The following PTPRD variants were observed in gnomAD, a reference collection of about 807,000 sequenced individuals.
PTPRD encodes the protein receptor-type tyrosine-protein phosphatase delta.
Under a neutral mutation model 214.5 loss-of-function variants are expected in PTPRD, and 34 were observed. The observed-to-expected ratio is 0.16, with a 90% CI of 0.12 to 0.21. The LOEUF (loss-of-function observed/expected upper bound fraction) is 0.21, where lower values mean the gene tolerates loss of function less well. PTPRD is among the 10% of genes least tolerant of loss of function. PTPRD has a pLI of 1.00. For missense variants in PTPRD, 2,545 were observed against 2,398.7 expected, an observed-to-expected ratio of 1.06 and a Z score of -1.27; for synonymous variants, 1,128 against 845.7, an observed-to-expected ratio of 1.33 and a Z score of -5.79.
intron 17 of PTPRD, 181 bp from the exon 18 acceptor site, chr9:8,525,216 TA>T (rs749256622): frequency 4.6e-5 from 33 of 722,182 alleles, no homozygotes; most frequent in Admixed American, 1.4e-4. Context: ...ATATAGAGAT[TA>T]TTTTTTTTTT....
At chr9:9,058,319 T>A (rs12376049) in intron 10 of PTPRD, among the ~76,000 whole-genome samples, 20,293 of 152,016 alleles carry the variant, frequency 0.13, 1,601 homozygotes, top group African/African-American at 0.22. Flanking sequence ...GCAGTGATAA[T>A]CTGTTTTGCT....
chr9:9,360,611 G>A (rs1596354681), intron 9 of PTPRD, among the ~76,000 whole-genome samples: 1 of 150,964 alleles, frequency 6.6e-6, no homozygotes, highest in Admixed American at 6.6e-5. Flanking sequence ...TAAGTATAAA[G>A]AAATAAAGTT....
chr9:8,391,045 T>C (rs996816679), intron 36 of PTPRD, among the ~76,000 whole-genome samples: 2 of 150,866 alleles, frequency 1.3e-5, no homozygotes, highest in South Asian at 2.1e-4. Flanking sequence ...AAGCACTTTA[T>C]AGGAATGTCA....
intron 43 of PTPRD, among the ~76,000 whole-genome samples, chr9:8,336,788 A>G (rs59095608): frequency 0.014 from 2,073 of 152,238 alleles, 35 homozygotes; most frequent in African/African-American, 0.046. Context: ...AAAAGTGGGC[A>G]AAGGATATGA....
intron 11 of PTPRD, among the ~76,000 whole-genome samples, chr9:8,920,120 T>C (rs67333855): frequency 5.9e-5 from 9 of 151,864 alleles, no homozygotes; most frequent in Non-Finnish European, 1.2e-4. Flanking sequence ...GTGGTCAGAT[T>C]GCCTGAGCTG....
At position 9,042,614 on chromosome 9, in the gene PTPRD, C is replaced by CTTTTTT. The variant is rs775574124; in HGVS notation, c.-142-23880_-142-23879insAAAAAA. Among the ~76,000 whole-genome samples the CTTTTTT allele has an allele frequency of 1.3e-4, 15 of 112,430 alleles. 1 individual carries two copies. Among genetic ancestry groups the CTTTTTT allele is most frequent in the Non-Finnish European group, 2.2e-4 (12 of 55,020 alleles). 73.8% of individuals were successfully genotyped at this position (112,430 alleles called of 152,430 possible). A position where few individuals can be genotyped will look rare whatever the true frequency, so the allele number is the denominator to read the frequency against. On this transcript the variant is annotated intron_variant, in intron 10 of 45. Coordinates refer to ENST00000381196, the MANE Select transcript of PTPRD (RefSeq NM_002839.4). ...CCACTTAGCATTTTTTCTTTTTTTT[C>CTTTTTT]TTTTCTTTTTTTTTTTTTTTGGTCT...
chr9:9,973,080 A>G (rs2154051666), intron 4 of PTPRD, among the ~76,000 whole-genome samples: 1 of 152,212 alleles, frequency 6.6e-6, no homozygotes, highest in South Asian at 2.1e-4. Context: ...ATAAGTCTAG[A>G]ATTTAGTTAC....
chr9:8,962,987 G>C (rs2099166961), intron 11 of PTPRD: 1 of 152,018 alleles, frequency 6.6e-6, no homozygotes, highest in East Asian at 1.9e-4. Flanking sequence ...GTTTGTAATA[G>C]CCTTGAGCTA....
At chr9:9,061,854 C>T (rs993727930) in intron 10 of PTPRD, among the ~76,000 whole-genome samples, 6 of 151,950 alleles carry the variant, frequency 3.9e-5, no homozygotes, top group Non-Finnish European at 2.9e-5. Flanking sequence ...CAGGGTTGCT[C>T]CCAGTTGTCA....
At chr9:8,346,011 G>C (rs1249422172) in intron 39 of PTPRD, among the ~76,000 whole-genome samples, 2 of 151,730 alleles carry the variant, frequency 1.3e-5, no homozygotes, top group African/African-American at 4.8e-5. Flanking sequence ...AGCACAAGTG[G>C]AGATCTATAT....
At chr9:10,584,154 T>A (rs1432443833) in intron 2 of PTPRD, among the ~76,000 whole-genome samples, 1 of 149,776 alleles carries the variant, frequency 6.7e-6, no homozygotes, top group Non-Finnish European at 1.5e-5. Flanking sequence ...ATATCACAAG[T>A]GCTCTAGCAT....
intron 3 of PTPRD, among the ~76,000 whole-genome samples, chr9:10,129,989 G>A (rs2098847315): frequency 6.6e-6 from 1 of 151,714 alleles, no homozygotes; most frequent in East Asian, 1.9e-4. Flanking sequence ...GTAGTCACTT[G>A]CAAATAATAT....
intron 8 of PTPRD, among the ~76,000 whole-genome samples, chr9:9,424,146 G>C (rs1230448147): frequency 6.6e-6 from 1 of 152,194 alleles, no homozygotes; most frequent in Non-Finnish European, 1.5e-5. Context: ...CACTTGAAGG[G>C]ACATCCTAGC....
intron 21 of PTPRD, among the ~76,000 whole-genome samples, chr9:8,516,838 C>T (rs2097789633): frequency 8.2e-6 from 1 of 121,742 alleles, no homozygotes; most frequent in Non-Finnish European, 1.6e-5. Flanking sequence ...TGGAGTCTTG[C>T]TGTCACCCAG....
At chr9:8,659,987 G>C (rs1326149890) in intron 12 of PTPRD, among the ~76,000 whole-genome samples, 5 of 152,158 alleles carry the variant, frequency 3.3e-5, no homozygotes, top group African/African-American at 9.7e-5. Context: ...ATAAGAAAAA[G>C]AATTGTTCAA....
Position 8,317,741 on chromosome 9 carries a change from G to GT in PTPRD, c.*132dup, listed in dbSNP as rs1822934692. 2 of 673,664 alleles carry GT rather than the reference G, an allele frequency of 3.0e-6. No individual in the cohort carries two copies. The highest frequency in any genetic ancestry group is 4.3e-5 in the South Asian group (2 of 46,434). The allele number at this position is 673,664 out of a possible 1,614,324, so 41.7% of individuals were successfully genotyped here. A position where few individuals can be genotyped will look rare whatever the true frequency, so the allele number is the denominator to read the frequency against. On this transcript the variant is annotated 3_prime_UTR_variant, in exon 46 of 46. Coordinates refer to ENST00000381196, the MANE Select transcript of PTPRD (RefSeq NM_002839.4). ...GAATAATTTGTTTTTAATTTGTTTT[G>GT]TGTGTAATAGTCCCACTAAGTAGTT... is the stretch of plus-strand genomic sequence containing the variant.
intron 7 of PTPRD, among the ~76,000 whole-genome samples, chr9:9,600,308 A>G (rs2093654140): frequency 6.6e-6 from 1 of 152,132 alleles, no homozygotes; most frequent in East Asian, 1.9e-4. Context: ...TGTACACACC[A>G]GTATGTTTCT....
intron 12 of PTPRD, among the ~76,000 whole-genome samples, chr9:8,731,513 C>G (rs1484801784): frequency 1.3e-5 from 2 of 152,144 alleles, no homozygotes; most frequent in South Asian, 2.1e-4. Flanking sequence ...GTGAATAAAT[C>G]AAATTTTTCT....
intron 2 of PTPRD, among the ~76,000 whole-genome samples, chr9:10,378,945 T>C (rs578103797): frequency 1.3e-5 from 2 of 152,186 alleles, no homozygotes; most frequent in African/African-American, 2.4e-5. Flanking sequence ...TTCCAGTTCA[T>C]GAACATGGAA....
Sources: allele counts gnomAD v4.1 joint callset (sites outside exome capture counted in the v4.1 genomes callset), GRCh38; gene constraint gnomAD v4.1.1; transcripts MANE v1.5; gene names NCBI Gene and HGNC (gene_info 2026-07-23, HGNC 2026-07-21).